The following EP300 variants were observed in gnomAD, a reference collection of about 807,000 sequenced individuals.
EP300 encodes the protein EP300 lysine acetyltransferase.
In EP300, 31 loss-of-function variants were observed where a neutral mutation model predicts 264.0. That is an observed-to-expected ratio of 0.12 (90% CI 0.09 to 0.16). EP300 has a LOEUF of 0.16. EP300 is among the 10% of genes least tolerant of loss of function. EP300 has a pLI of 1.00. For synonymous variants in EP300, 1,340 were observed against 1,045.4 expected, an observed-to-expected ratio of 1.28 and a Z score of -5.44; for missense variants, 2,766 against 3,052.9, an observed-to-expected ratio of 0.91 and a Z score of 2.21.
At chr22:41,126,061 G>T in intron 3 of EP300, 21 bp downstream of exon 3, 1 of 1,612,894 alleles carries the variant, frequency 6.2e-7, no homozygotes, top group South Asian at 1.1e-5. Context: ...ATCCATTACA[G>T]ACTTGTTTTC....
intron 10 of EP300, among the ~76,000 whole-genome samples, chr22:41,143,624 G>A (rs1039068492): frequency 6.6e-6 from 1 of 151,346 alleles, no homozygotes; most frequent in Non-Finnish European, 1.5e-5. Context: ...CACTCAGGCT[G>A]AAGTGCAGTG....
At chr22:41,165,675 G>A (rs1185443664) in intron 22 of EP300, among the ~76,000 whole-genome samples, 3 of 152,160 alleles carry the variant, frequency 2.0e-5, no homozygotes, top group Non-Finnish European at 2.9e-5. Context: ...CACCCACCTC[G>A]GCCTCCCGAA....
chr22:41,111,422 T>C (rs2058789574), intron 1 of EP300, among the ~76,000 whole-genome samples: 2 of 152,246 alleles, frequency 1.3e-5, no homozygotes, highest in Non-Finnish European at 2.9e-5. Flanking sequence ...TTGACAACAG[T>C]TGTGTATATT....
rs1328866620 is a variant in EP300 at position 41,178,416 on chromosome 22, A to G, written c.6705A>G (p.Gln2235=). The part of the protein sequence containing the change: ...QRMQHHMQQM[Q]QGNMGQIGQL... ...TGCAGCATCACATGCAACAGATGCA[A>G]CAAGGAAATATGGGACAGATAGGCC... Residue 2235 remains glutamine, a synonymous_variant, in exon 31 of 31, where the codon CAA becomes CAG. Transcript: ENST00000263253. 4 of 1,614,158 alleles carry G rather than the reference A, an allele frequency of 2.5e-6. No individual in the cohort carries two copies. Among genetic ancestry groups the G allele is most frequent in the Middle Eastern group, 1.6e-4 (1 of 6,062 alleles).
In EP300 at chr22:41,168,277, C is replaced by G. The variant is rs952049009; in HGVS notation, c.3875-172C>G. ...TATGAAGATTAGCATGTTCCCTGCA[C>G]TCATATGACATGTAAATCTGCAAAG... On this transcript the variant is annotated intron_variant, in intron 23 of 30. Coordinates refer to ENST00000263253, the MANE Select transcript of EP300 (RefSeq NM_001429.4). 6 of 673,598 alleles carry G rather than the reference C, an allele frequency of 8.9e-6. No homozygotes were observed. The African/African-American group carries it at 1.1e-4, about 12-fold the overall frequency. 41.7% of individuals were successfully genotyped at this position (673,598 alleles called of 1,614,324 possible).
At chr22:41,168,117 C>T in intron 23 of EP300, 1 of 355,292 alleles carries the variant, frequency 2.8e-6, no homozygotes, top group Middle Eastern at 1.0e-3. Flanking sequence ...CTACCGCACC[C>T]GGCCCCTGTT....
At chr22:41,100,652 C>A (rs1343260201) in intron 1 of EP300, among the ~76,000 whole-genome samples, 2 of 152,124 alleles carry the variant, frequency 1.3e-5, no homozygotes, top group Non-Finnish European at 2.9e-5. Flanking sequence ...ATTTATGTTG[C>A]ATTTACACTG....
chr22:41,104,561 G>T (rs901138865), intron 1 of EP300, among the ~76,000 whole-genome samples: 2 of 151,916 alleles, frequency 1.3e-5, no homozygotes. Context: ...AAGTGCTGGG[G>T]TTACAGGCGT....
Position 41,129,910 on chromosome 22 carries a change from C to A in EP300, c.1189C>A (p.Arg397=). Residue 397 remains arginine, a synonymous_variant, in exon 5 of 31, where the codon CGA becomes AGA. Transcript: ENST00000263253. ...SCQVAHCASS[R]QIISHWKNCT... ...TTTAGTGGCACACTGTGCATCTTCT[C>A]GACAAATCATTTCACACTGGAAGAA... 6.2e-7 allele frequency: 1 copy of A among 1,613,820 alleles called. No individual in the cohort carries two copies. The highest frequency in any genetic ancestry group is 8.5e-7 in the Non-Finnish European group (1 of 1,179,850).
At position 41,140,923 on chromosome 22, in the gene EP300, T is replaced by G. The variant is rs139781727; in HGVS notation, c.1879-125T>G. The stretch of plus-strand genomic sequence containing the variant: ...ATAAGTTGAACTTTCCTTTCTAAAT[T>G]GGCACCAGTTCTTAATGCAGCATAT... On this transcript the variant is annotated intron_variant, in intron 9 of 30. Coordinates refer to ENST00000263253, the MANE Select transcript of EP300 (RefSeq NM_001429.4). 1,224 of 880,996 alleles carry G rather than the reference T, an allele frequency of 1.4e-3. 25 individuals carry two copies. In the East Asian group the frequency reaches 0.029, roughly 21 times the overall value. The allele number at this position is 880,996 out of a possible 1,614,324, so 54.6% of individuals were successfully genotyped here. A position where few individuals can be genotyped will look rare whatever the true frequency, so the allele number is the denominator to read the frequency against.
At chr22:41,105,797 T>C (rs2145682208) in intron 1 of EP300, among the ~76,000 whole-genome samples, 1 of 152,324 alleles carries the variant, frequency 6.6e-6, no homozygotes, top group South Asian at 2.1e-4. Flanking sequence ...GAGTACATAT[T>C]TTGAAATTTG....
In EP300 at chr22:41,168,618, T is replaced by G. The variant is rs780687256; in HGVS notation, c.4025+19T>G. ...AAGCAAGGTATCTAGTCATTTCACT[T>G]TTCTTCTCCTCGTGGATCCAAAATT... On this transcript the variant is annotated intron_variant, in intron 24 of 30. Coordinates refer to ENST00000263253, the MANE Select transcript of EP300 (RefSeq NM_001429.4). The G allele has an allele frequency of 6.2e-6, 10 of 1,614,168 alleles. No homozygotes were observed. In the South Asian group the frequency reaches 9.9e-5, roughly 16 times the overall value.
At chr22:41,166,798 A>T (rs561199082) in intron 23 of EP300, 132 bp downstream of exon 23, 1 of 582,972 alleles carries the variant, frequency 1.7e-6, no homozygotes, top group East Asian at 2.9e-5. Flanking sequence ...TAATCTCCTT[A>T]TAGTTGATCT....
intron 5 of EP300, among the ~76,000 whole-genome samples, chr22:41,130,267 A>G (rs896617412): frequency 2.5e-4 from 38 of 151,836 alleles, no homozygotes; most frequent in South Asian, 8.3e-4. Context: ...AAAAAAAAAA[A>G]AAAGAAAGAA....
At chr22:41,097,112 T>C (rs2058706816) in intron 1 of EP300, among the ~76,000 whole-genome samples, 1 of 152,240 alleles carries the variant, frequency 6.6e-6, no homozygotes, top group African/African-American at 2.4e-5. Flanking sequence ...AGTGAGGCAT[T>C]TCTCTCCTCA....
intron 18 of EP300, 54 bp downstream of exon 18, chr22:41,157,462 T>C: frequency 6.3e-7 from 1 of 1,589,656 alleles, no homozygotes; most frequent in Non-Finnish European, 8.6e-7. Context: ...CCTAGAATAA[T>C]ATAGTGGTGA....
chr22:41,171,518 G>A (rs528865922), intron 27 of EP300, among the ~76,000 whole-genome samples: 1 of 151,972 alleles, frequency 6.6e-6, no homozygotes, highest in African/African-American at 2.4e-5. Context: ...TATATTTTTT[G>A]TAGAGACAGG....
Position 41,149,881 on chromosome 22 carries a change from C to G in EP300, c.2500C>G (p.Pro834Ala). The change falls in exon 14 of 31, where the codon CCT becomes GCT. Residue 834 changes from proline to alanine, a missense_variant. Transcript: ENST00000263253. Reference sequence around the variant, plus strand: ...AGCTCTTCATCAGAATTCACCCTCGCCTGTACCTAGTCGTACCCCCACCCC... The same window carrying G: ...AGCTCTTCATCAGAATTCACCCTCGGCTGTACCTAGTCGTACCCCCACCCC... ...QPALHQNSPS[P>A]VPSRTPTPHH... 1.9e-6 allele frequency: 3 copies of G among 1,614,074 alleles called. No individual in the cohort carries two copies. The highest frequency in any genetic ancestry group is 2.5e-6 in the Non-Finnish European group (3 of 1,180,016).
At chr22:41,135,667 T>C (rs756243032) in intron 6 of EP300, 146 bp from the exon 7 acceptor site, 2 of 663,004 alleles carry the variant, frequency 3.0e-6, no homozygotes, top group African/African-American at 3.6e-5. Context: ...CCTTTACATA[T>C]GTGTTGCCAG....
Sources: gnomAD v4.1 joint callset for allele counts (sites outside exome capture counted in the v4.1 genomes callset) on GRCh38, gnomAD v4.1.1 for gene constraint, MANE v1.5 for transcripts, NCBI Gene and HGNC (gene_info 2026-07-23, HGNC 2026-07-21) for gene names.